CNIH3: variants seen among roughly 807,000 people sequenced by gnomAD.
The protein encoded by CNIH3 is cornichon family AMPA receptor auxiliary protein 3.
In CNIH3, 14 loss-of-function variants were observed where a neutral mutation model predicts 24.1. The observed-to-expected ratio is 0.58, with a 90% confidence interval of 0.38 to 0.91. The LOEUF (loss-of-function observed/expected upper bound fraction) is 0.91. CNIH3 is among the 40% of genes least tolerant of loss of function. CNIH3 has a pLI of 0.00. For synonymous variants in CNIH3, 68 were observed against 73.8 expected (o/e 0.92, Z 0.40); for missense variants, 178 against 196.8 (o/e 0.90, Z 0.57).
chr1:224,720,589 T>C (rs1336057146), intron 3 of CNIH3, among the ~76,000 whole-genome samples: 2 of 152,176 alleles, frequency 1.3e-5, no homozygotes, highest in Non-Finnish European at 2.9e-5. Context: ...TCAGCTGTGC[T>C]AAATTCCCAT....
chr1:224,594,162 C>T (rs1681878386), intron 3 of CNIH3, among the ~76,000 whole-genome samples: 1 of 152,132 alleles, frequency 6.6e-6, no homozygotes, highest in Non-Finnish European at 1.5e-5. Flanking sequence ...ATTTATTTTG[C>T]CACAATAAAA....
At chr1:224,496,425 G>C (rs1212851874) in intron 1 of CNIH3, among the ~76,000 whole-genome samples, 1 of 152,032 alleles carries the variant, frequency 6.6e-6, no homozygotes, top group Non-Finnish European at 1.5e-5. Flanking sequence ...CGCTCCTGCT[G>C]CTGCTGGGGC....
intron 3 of CNIH3, among the ~76,000 whole-genome samples, chr1:224,550,589 G>A (rs753115041): frequency 1.3e-5 from 2 of 152,104 alleles, no homozygotes; most frequent in African/African-American, 2.4e-5. Flanking sequence ...TTTCTTTAAT[G>A]TCACACAGTG....
intron 3 of CNIH3, among the ~76,000 whole-genome samples, chr1:224,600,907 G>A (rs748369552): frequency 5.9e-5 from 9 of 152,178 alleles, no homozygotes; most frequent in Non-Finnish European, 8.8e-5. Flanking sequence ...GTTATGTGAA[G>A]GCACAGAGGG....
At chr1:224,733,921 A>C (rs1316302118) in intron 4 of CNIH3, among the ~76,000 whole-genome samples, 1 of 152,196 alleles carries the variant, frequency 6.6e-6, no homozygotes, top group Non-Finnish European at 1.5e-5. Context: ...GGCTGTGGCC[A>C]GGTGAGCCTT....
At chr1:224,585,527 G>A (rs1452056925) in intron 5 of CNIH3, among the ~76,000 whole-genome samples, 1 of 151,448 alleles carries the variant, frequency 6.6e-6, no homozygotes, top group Non-Finnish European at 1.5e-5. Flanking sequence ...TGCCCAGGCT[G>A]GATTGCAGTG....
chr1:224,660,385 T>G (rs1499281), intron 1 of CNIH3, among the ~76,000 whole-genome samples: 26,960 of 152,096 alleles, frequency 0.18, 2,551 homozygotes, highest in African/African-American at 0.23. Flanking sequence ...TGGGAATTAT[T>G]GGAGCATAAT....
At chr1:224,736,601 G>C (rs114376136) in intron 5 of CNIH3, among the ~76,000 whole-genome samples, 373 of 152,290 alleles carry the variant, frequency 2.4e-3, no homozygotes, top group African/African-American at 8.5e-3. Context: ...GACAATCTTG[G>C]TGCACACCTT....
At chr1:224,572,269 A>T (rs1680849204) in intron 4 of CNIH3, among the ~76,000 whole-genome samples, 1 of 152,124 alleles carries the variant, frequency 6.6e-6, no homozygotes. Flanking sequence ...TAATCCCAGC[A>T]CTTTGGGAGG....
chr1:224,437,685 A>T (rs1442560568), intron 1 of CNIH3, among the ~76,000 whole-genome samples: 1 of 152,236 alleles, frequency 6.6e-6, no homozygotes, highest in African/African-American at 2.4e-5. Context: ...CATAGAAGAT[A>T]TCCAAGTGAA....
At chr1:224,691,184 A>G (rs370735457) in intron 3 of CNIH3, among the ~76,000 whole-genome samples, 3 of 152,198 alleles carry the variant, frequency 2.0e-5, no homozygotes, top group East Asian at 1.9e-4. Context: ...AGAAATGGCA[A>G]TGTGAGGCTC....
chr1:224,589,492 C>A (rs1020281015), downstream of CNIH3, among the ~76,000 whole-genome samples: 1 of 152,228 alleles, frequency 6.6e-6, no homozygotes, highest in Non-Finnish European at 1.5e-5. Context: ...CCTGCAGCCT[C>A]TTTTCAAAGC....
At chr1:224,627,766 C>T (rs1297625340) in intron 1 of CNIH3, among the ~76,000 whole-genome samples, 2 of 152,070 alleles carry the variant, frequency 1.3e-5, no homozygotes, top group Non-Finnish European at 2.9e-5. Flanking sequence ...GCTCAGGGGC[C>T]CGGGGTGCTG....
At chr1:224,531,512 G>T (rs791508) in intron 2 of CNIH3, among the ~76,000 whole-genome samples, 29,249 of 152,160 alleles carry the variant, frequency 0.19, 2,969 homozygotes, top group South Asian at 0.34. Context: ...AGGGAATGTG[G>T]TACTTTTGAA....
intron 1 of CNIH3, among the ~76,000 whole-genome samples, chr1:224,475,667 T>C (rs942056747): frequency 6.6e-6 from 1 of 152,234 alleles, no homozygotes; most frequent in African/African-American, 2.4e-5. Context: ...TTAAAACTGA[T>C]AATACCAACC....
chr1:224,512,692 T>G (rs1414158239), upstream of CNIH3, among the ~76,000 whole-genome samples: 1 of 152,228 alleles, frequency 6.6e-6, no homozygotes, highest in Non-Finnish European at 1.5e-5. Context: ...CATTTGTATT[T>G]CCTTCATCCC....
intron 1 of CNIH3, among the ~76,000 whole-genome samples, chr1:224,501,860 C>T (rs527379668): frequency 2.1e-4 from 31 of 147,602 alleles, no homozygotes; most frequent in East Asian, 7.8e-4. Flanking sequence ...GGATTACAGG[C>T]GTGAGCCACT....
intron 1 of CNIH3, among the ~76,000 whole-genome samples, chr1:224,475,278 C>T (rs1316559536): frequency 1.3e-5 from 2 of 151,148 alleles, no homozygotes; most frequent in Non-Finnish European, 2.9e-5. Flanking sequence ...AGGGCATGAA[C>T]CCAGGAGGCG....
intron 3 of CNIH3, among the ~76,000 whole-genome samples, chr1:224,564,655 T>C (rs1680507479): frequency 6.6e-6 from 1 of 152,248 alleles, no homozygotes; most frequent in African/African-American, 2.4e-5. Context: ...TGGTGAAGTC[T>C]GGGGTTTACA....
Sources: allele counts gnomAD v4.1 joint callset (sites outside exome capture counted in the v4.1 genomes callset), GRCh38; gene constraint gnomAD v4.1.1; transcripts MANE v1.5; gene names NCBI Gene and HGNC (gene_info 2026-07-23, HGNC 2026-07-21).